Variants in STK32B observed in about 807,000 individuals in gnomAD.
The protein encoded by STK32B is serine/threonine kinase 32B, also known as serine/threonine-protein kinase 32B.
In STK32B, 43 loss-of-function variants were observed where a neutral mutation model predicts 52.6. The observed-to-expected ratio is 0.82, with a 90% CI of 0.64 to 1.05. The LOEUF (loss-of-function observed/expected upper bound fraction) is 1.05. STK32B is among the 50% of genes least tolerant of loss of function. The pLI is 0.00. For missense variants in STK32B, 621 were observed against 534.6 expected (o/e 1.16, Z -1.59); for synonymous variants, 238 against 204.3 (o/e 1.17, Z -1.41).
At chr4:5,245,230 A>C (rs1725353724) in intron 3 of STK32B, among the ~76,000 whole-genome samples, 1 of 152,102 alleles carries the variant, frequency 6.6e-6, no homozygotes. Flanking sequence ...TTTGTAGGTC[A>C]CTCAGGACTT....
chr4:5,168,472 G>C (rs1381872917), intron 3 of STK32B, 22 bp downstream of exon 3: 1 of 1,601,694 alleles, frequency 6.2e-7, no homozygotes, highest in East Asian at 2.2e-5. Flanking sequence ...TCCATCCAGG[G>C]CTCCTGTGGG....
chr4:5,152,344 T>A (rs1278748900), intron 2 of STK32B, among the ~76,000 whole-genome samples: 1 of 152,182 alleles, frequency 6.6e-6, no homozygotes, highest in Non-Finnish European at 1.5e-5. Flanking sequence ...TCCTTGTATT[T>A]TGCAACCTGG....
intron 3 of STK32B, among the ~76,000 whole-genome samples, chr4:5,254,229 G>A (rs748389131): frequency 6.6e-6 from 1 of 151,894 alleles, no homozygotes; most frequent in East Asian, 1.9e-4. Flanking sequence ...ATGTCTGTAG[G>A]CTCTGTAATG....
At chr4:5,379,411 G>A (rs1735788348) in intron 4 of STK32B, among the ~76,000 whole-genome samples, 2 of 152,106 alleles carry the variant, frequency 1.3e-5, no homozygotes, top group Admixed American at 1.3e-4. Context: ...CCCAGGAGGT[G>A]TCCAGAGCAG....
At chr4:5,491,660 A>G (rs1346827484) in intron 11 of STK32B, among the ~76,000 whole-genome samples, 2 of 152,036 alleles carry the variant, frequency 1.3e-5, no homozygotes, top group Non-Finnish European at 2.9e-5. Context: ...GCCCATGCCT[A>G]TATCCTGAAT....
At chr4:5,049,441 G>A (rs1176067601), upstream of STK32B, among the ~76,000 whole-genome samples, 1 of 152,160 alleles carries the variant, frequency 6.6e-6, no homozygotes, top group Non-Finnish European at 1.5e-5. Context: ...GGCGGGCTGA[G>A]TCCGAAAAGA....
chr4:5,141,375 G>C (rs1364465388), intron 2 of STK32B, among the ~76,000 whole-genome samples: 1 of 152,232 alleles, frequency 6.6e-6, no homozygotes, highest in South Asian at 2.1e-4. Flanking sequence ...TCCCACGGAA[G>C]GGAGTGTGCT....
intron 2 of STK32B, among the ~76,000 whole-genome samples, chr4:5,153,956 C>T (rs1178026280): frequency 6.6e-6 from 1 of 152,038 alleles, no homozygotes; most frequent in Non-Finnish European, 1.5e-5. Context: ...TAATCAAAGT[C>T]ACAGAAGATT....
At chr4:5,251,415 G>A (rs1298465638) in intron 3 of STK32B, among the ~76,000 whole-genome samples, 1 of 151,932 alleles carries the variant, frequency 6.6e-6, no homozygotes, top group East Asian at 1.9e-4. Context: ...TTTATTTCTG[G>A]GCTCTGTATT....
chr4:5,336,324 A>G (rs1160912003), intron 4 of STK32B, among the ~76,000 whole-genome samples: 2 of 151,946 alleles, frequency 1.3e-5, no homozygotes, highest in Middle Eastern at 6.4e-3. Flanking sequence ...AGTGTAGGTT[A>G]TAGTAAACAA....
intron 4 of STK32B, among the ~76,000 whole-genome samples, chr4:5,393,338 G>T (rs571258399): frequency 6.6e-6 from 1 of 152,176 alleles, no homozygotes; most frequent in Non-Finnish European, 1.5e-5. Flanking sequence ...AATCCTCACT[G>T]TAGCCATTAG....
intron 1 of STK32B, among the ~76,000 whole-genome samples, chr4:5,057,401 A>G (rs906548082): frequency 6.6e-6 from 1 of 152,192 alleles, no homozygotes; most frequent in Non-Finnish European, 1.5e-5. Flanking sequence ...ATTCCCAAAA[A>G]GAGATAGGAC....
intron 11 of STK32B, 134 bp downstream of exon 11, chr4:5,468,204 A>AG: frequency 1.2e-6 from 1 of 834,628 alleles, no homozygotes. Flanking sequence ...GGTGAGACAC[A>AG]GGGCTCTGGT....
rs1323873777 is a variant in STK32B at position 5,316,672 on chromosome 4, TATATA to T, written c.261-14532_261-14528del. ...TATATAATATATAATATATATTATATATATAATATAATATAATATATATCATATTA... is the reference window on the plus strand; with the variant it reads ...TATATAATATATAATATATATTATATATATAATATAATATATATCATATTA... On this transcript the variant is annotated intron_variant, in intron 3 of 11. Transcript: ENST00000282908. Among the ~76,000 whole-genome samples the T allele has an allele frequency of 5.6e-3, 31 of 5,554 alleles. 3 individuals are homozygous for T. Among genetic ancestry groups the T allele is most frequent in the Non-Finnish European group, 6.7e-3 (31 of 4,596 alleles). 3.6% of individuals were successfully genotyped at this position (5,554 alleles called of 152,430 possible). A position where few individuals can be genotyped will look rare whatever the true frequency, so the allele number is the denominator to read the frequency against.
chr4:5,406,212 C>T (rs1331492108), intron 5 of STK32B, among the ~76,000 whole-genome samples: 1 of 152,190 alleles, frequency 6.6e-6, no homozygotes, highest in Non-Finnish European at 1.5e-5. Flanking sequence ...ATCTCACATC[C>T]AGGCCACACT....
intron 3 of STK32B, among the ~76,000 whole-genome samples, chr4:5,176,345 C>G (rs1280341599): frequency 1.3e-5 from 2 of 152,134 alleles, no homozygotes; most frequent in African/African-American, 4.8e-5. Context: ...TGAGATGAAC[C>G]CGGTACCTCA....
At chr4:5,387,248 T>A (rs530635050) in intron 4 of STK32B, among the ~76,000 whole-genome samples, 1 of 152,196 alleles carries the variant, frequency 6.6e-6, no homozygotes, top group South Asian at 2.1e-4. Context: ...CATGACAAAT[T>A]TACAGACGGG....
intron 2 of STK32B, among the ~76,000 whole-genome samples, chr4:5,147,061 T>A (rs1716968569): frequency 6.6e-6 from 1 of 152,214 alleles, no homozygotes; most frequent in South Asian, 2.1e-4. Context: ...TATTTATCTC[T>A]ATTTTTATTA....
At chr4:5,097,739 C>T (rs149008011) in intron 1 of STK32B, among the ~76,000 whole-genome samples, 2 of 152,186 alleles carry the variant, frequency 1.3e-5, no homozygotes, top group South Asian at 2.1e-4. Context: ...TTAATCATGT[C>T]GATATGTGAT....
Sources: allele counts gnomAD v4.1 joint callset (sites outside exome capture counted in the v4.1 genomes callset), GRCh38; gene constraint gnomAD v4.1.1; transcripts MANE v1.5; gene names NCBI Gene and HGNC (gene_info 2026-07-23, HGNC 2026-07-21).